Variants in KDM1B observed in about 807,000 individuals in gnomAD.
KDM1B encodes lysine demethylase 1B.
KDM1B carries 63 observed loss-of-function variants against 107.4 expected under a neutral mutation model. The observed-to-expected ratio is 0.59, with a 90% CI of 0.48 to 0.72. The LOEUF (loss-of-function observed/expected upper bound fraction) is 0.72, where lower values mean the gene tolerates loss of function less well. Among genes scored for constraint, KDM1B ranks in the 30% least tolerant of loss-of-function variants. The pLI, the probability that KDM1B is intolerant of heterozygous loss-of-function variation, is 0.00. For synonymous variants in KDM1B, 363 were observed against 363.9 expected, an observed-to-expected ratio of 1.00 and a Z score of 0.03; for missense variants, 749 against 1,020.8, an observed-to-expected ratio of 0.73 and a Z score of 3.63.
rs1159699350 is a variant in KDM1B, at chr6:18,191,139, T to A, written c.785-58T>A. On this transcript the variant is annotated intron_variant, in intron 9 of 21. Coordinates refer to ENST00000650836, the MANE Select transcript of KDM1B (RefSeq NM_001364614.2). The surrounding 1 kb of genome is among the most constrained non-coding windows in gnomAD (Gnocchi z 5.1). ...TTTTTGGTTTGCTTTTGCCCTTTAA[T>A]TCTTCTGGATTTGGAAGTTACAGCT... 6.7e-7 allele frequency: 1 copy of A among 1,492,424 alleles called. No individual in the cohort carries two copies. The highest frequency in any genetic ancestry group is 9.1e-7 in the Non-Finnish European group (1 of 1,103,864). 92.4% of individuals were successfully genotyped at this position (1,492,424 alleles called of 1,614,324 possible). A position where few individuals can be genotyped will look rare whatever the true frequency, so the allele number is the denominator to read the frequency against.
In KDM1B at chr6:18,212,339, T is replaced by G. The variant is rs2151022420; in HGVS notation, c.1867-149T>G. ...TTGCCACTTCTGCTTAGCCAGGCATTGGCACCCTTGTGCAGTGAGCAACCT... is the reference window on the plus strand; with the variant it reads ...TTGCCACTTCTGCTTAGCCAGGCATGGGCACCCTTGTGCAGTGAGCAACCT... On this transcript the variant is annotated intron_variant, in intron 17 of 21. Transcript: ENST00000650836. The surrounding 1 kb of genome is among the most constrained non-coding windows in gnomAD (Gnocchi z 5.2). 1 of 680,374 alleles carries G rather than the reference T, an allele frequency of 1.5e-6. No homozygotes were observed. The highest frequency in any genetic ancestry group is 2.5e-5 in the East Asian group (1 of 40,214). 42.1% of individuals were successfully genotyped at this position (680,374 alleles called of 1,614,324 possible). A position where few individuals can be genotyped will look rare whatever the true frequency, so the allele number is the denominator to read the frequency against.
intron 6 of KDM1B, among the ~76,000 whole-genome samples, chr6:18,167,805 C>A (rs923391135): frequency 1.3e-5 from 2 of 151,976 alleles, no homozygotes; most frequent in African/African-American, 4.8e-5. Flanking sequence ...CTCTGTCGTT[C>A]AGGCTAGAGT....
chr6:18,184,939 A>G (rs1177671387), intron 7 of KDM1B, among the ~76,000 whole-genome samples: 1 of 151,606 alleles, frequency 6.6e-6, no homozygotes, highest in Non-Finnish European at 1.5e-5. Context: ...GGTGTTACCC[A>G]GGTTGGTGTT....
chr6:18,202,167 A>G (rs965518326), intron 14 of KDM1B, among the ~76,000 whole-genome samples: 1 of 151,718 alleles, frequency 6.6e-6, no homozygotes, highest in Admixed American at 6.6e-5. Flanking sequence ...TGGGAGGTCA[A>G]GCGGGGAAGA....
intron 21 of KDM1B, among the ~76,000 whole-genome samples, chr6:18,219,162 A>T (rs565594722): frequency 8.5e-5 from 13 of 152,258 alleles, no homozygotes; most frequent in African/African-American, 2.9e-4. Context: ...TCAGCCTCCC[A>T]AAGTGCTGGG....
intron 21 of KDM1B, among the ~76,000 whole-genome samples, chr6:18,218,567 A>G (rs1218196071): frequency 2.0e-5 from 3 of 152,348 alleles, no homozygotes; most frequent in South Asian, 2.1e-4. Context: ...TGGTATTTAC[A>G]TGGCTGTGTA....
At chr6:18,217,211 G>T (rs1789304171) in intron 20 of KDM1B, among the ~76,000 whole-genome samples, 5 of 152,134 alleles carry the variant, frequency 3.3e-5, no homozygotes, top group Admixed American at 2.6e-4. Context: ...TTGTGTGTGG[G>T]TGGGGCAGGA....
intron 7 of KDM1B, among the ~76,000 whole-genome samples, chr6:18,179,850 C>T (rs796557989): frequency 0.61 from 5,884 of 9,586 alleles, 2,204 homozygotes; most frequent in African/African-American, 0.65. Flanking sequence ...GTTTTTTTTC[C>T]TTTTTTTTTT....
chr6:18,215,083 T>C lies in KDM1B; in HGVS notation c.2186T>C (p.Val729Ala), dbSNP rs749742450. 56 of 1,613,660 alleles carry C rather than the reference T, an allele frequency of 3.5e-5. No individual in the cohort carries two copies. Among genetic ancestry groups the C allele is most frequent in the Non-Finnish European group, 4.7e-5 (56 of 1,179,964 alleles). ...ASVRTLDDKQ[V>A]LQQCMATLRE... Reference sequence around the variant, plus strand: ...GTGAGGACCCTGGATGACAAACAGGTGCTGCAGCAGTGCATGGCCACGCTC... The same window carrying C: ...GTGAGGACCCTGGATGACAAACAGGCGCTGCAGCAGTGCATGGCCACGCTC... The change falls in exon 20 of 22, where the codon GTG (valine) becomes GCG (alanine). Residue 729 changes from valine to alanine, a missense_variant. Transcript: ENST00000650836.
At position 18,205,247 on chromosome 6, in the gene KDM1B, G is replaced by A. The variant is rs1200669245; in HGVS notation, c.1532-290G>A. On this transcript the variant is annotated intron_variant, in intron 14 of 21. Coordinates refer to ENST00000650836, the MANE Select transcript of KDM1B (RefSeq NM_001364614.2). The surrounding 1 kb of genome is among the most constrained non-coding windows in gnomAD (Gnocchi z 5.7). The stretch of plus-strand genomic sequence containing the variant: ...AGAGGAAACCACTTCTCAACGAAGC[G>A]AAATTGAGACGTTTCTGAAGATATA... Among the ~76,000 whole-genome samples the A allele has an allele frequency of 1.3e-5, 2 of 152,114 alleles. No homozygotes were observed. Among genetic ancestry groups the A allele is most frequent in the Admixed American group, 6.6e-5 (1 of 15,258 alleles).
chr6:18,217,327 T>C, intron 20 of KDM1B, among the ~76,000 whole-genome samples: 1 of 151,462 alleles, frequency 6.6e-6, no homozygotes, highest in East Asian at 1.9e-4. Context: ...ACTCAGGTCC[T>C]AAACAGGGGG....
Position 18,200,378 on chromosome 6 carries a change from A to G in KDM1B, c.1222-61A>G, listed in dbSNP as rs905426133. 3 of 1,494,028 alleles carry G rather than the reference A, an allele frequency of 2.0e-6. No homozygotes were observed. Among genetic ancestry groups the G allele is most frequent in the Non-Finnish European group, 2.7e-6 (3 of 1,096,226 alleles). The allele number at this position is 1,494,028 out of a possible 1,614,324, so 92.5% of individuals were successfully genotyped here. ...AACAGTGTCCTTCTACATTTTTATA[A>G]TACTGTGTCTGATATAACTCTTGTG... On this transcript the variant is annotated intron_variant, in intron 12 of 21. Coordinates refer to ENST00000650836, the MANE Select transcript of KDM1B (RefSeq NM_001364614.2). The surrounding 1 kb of genome is among the most constrained non-coding windows in gnomAD (Gnocchi z 4.3).
Position 18,204,438 on chromosome 6 carries a change from C to T in KDM1B, c.1532-1099C>T, listed in dbSNP as rs1339565212. ...GCAGTGAGTCGGAATGGCACCACAGCACTCCAGCCTGGGTGACATGGTGAG... is the reference window on the plus strand; with the variant it reads ...GCAGTGAGTCGGAATGGCACCACAGTACTCCAGCCTGGGTGACATGGTGAG... On this transcript the variant is annotated intron_variant, in intron 14 of 21. Transcript: ENST00000650836. This position sits in a 1 kb window ranked among gnomAD's most constrained non-coding sequence, Gnocchi z 4.9. 1.3e-5 allele frequency among the ~76,000 whole-genome samples: 2 copies of T among 152,080 alleles called. No homozygotes were observed. The highest frequency in any genetic ancestry group is 1.9e-4 in the East Asian group (1 of 5,196).
In KDM1B at chr6:18,200,694, T is replaced by G; in HGVS notation, c.1359+118T>G. 1 of 767,640 alleles carries G rather than the reference T, an allele frequency of 1.3e-6. No individual in the cohort carries two copies. The highest frequency in any genetic ancestry group is 2.0e-6 in the Non-Finnish European group (1 of 509,942). The allele number at this position is 767,640 out of a possible 1,614,324, so 47.6% of individuals were successfully genotyped here. A position where few individuals can be genotyped will look rare whatever the true frequency, so the allele number is the denominator to read the frequency against. Reference sequence around the variant, plus strand: ...TACATATAACAGCCCCCTCATCTCCTATGCAAAGCAGTAAGAATTACACTT... The same window carrying G: ...TACATATAACAGCCCCCTCATCTCCGATGCAAAGCAGTAAGAATTACACTT... On this transcript the variant is annotated intron_variant, in intron 13 of 21. Coordinates refer to ENST00000650836, the MANE Select transcript of KDM1B (RefSeq NM_001364614.2). The surrounding 1 kb of genome is among the most constrained non-coding windows in gnomAD (Gnocchi z 4.3).
rs531805149 is a variant in KDM1B, at chr6:18,205,716, G to C, written c.1659+52G>C. 2.4e-5 allele frequency: 34 copies of C among 1,437,436 alleles called. No individual in the cohort carries two copies. The South Asian group carries it at 4.7e-4, about 20-fold the overall frequency. 89.0% of individuals were successfully genotyped at this position (1,437,436 alleles called of 1,614,324 possible). On this transcript the variant is annotated intron_variant, in intron 15 of 21. Coordinates refer to ENST00000650836, the MANE Select transcript of KDM1B (RefSeq NM_001364614.2). The surrounding 1 kb of genome is among the most constrained non-coding windows in gnomAD (Gnocchi z 5.7). ...GCTTTGAAAATACTTGGTTTAGGCC[G>C]GGCGCAGTGGCTCACGCCTGTAATC...
rs1788982399 is a variant in KDM1B at position 18,213,231 on chromosome 6, G to A, written c.1984-425G>A. Among the ~76,000 whole-genome samples the A allele has an allele frequency of 6.6e-6, 1 of 152,126 alleles. No homozygotes were observed. The highest frequency in any genetic ancestry group is 6.6e-5 in the Admixed American group (1 of 15,262). ...GAGGATGGATTACCTGAGGTCAGGA[G>A]TTCAAGACCAGCCTGACCAACATGG... On this transcript the variant is annotated intron_variant, in intron 18 of 21. Coordinates refer to ENST00000650836, the MANE Select transcript of KDM1B (RefSeq NM_001364614.2). The surrounding 1 kb of genome is among the most constrained non-coding windows in gnomAD (Gnocchi z 5.9).
chr6:18,187,753 C>A, intron 8 of KDM1B, 39 bp from the exon 9 acceptor site: 1 of 1,347,944 alleles, frequency 7.4e-7, no homozygotes, highest in Non-Finnish European at 1.0e-6. Context: ...CATTTCTTGT[C>A]TGTCCTTGTC....
rs1465976650 is a variant in KDM1B at position 18,201,790 on chromosome 6, C to A, written c.1531+133C>A. On this transcript the variant is annotated intron_variant, in intron 14 of 21. Transcript: ENST00000650836. The surrounding 1 kb of genome is among the most constrained non-coding windows in gnomAD (Gnocchi z 4.3). ...AGCCCTCCTGAGCATTTCTTTTGGA[C>A]TGATGGATTCTCCAAGTTCTCAGGG... 5 of 723,216 alleles carry A rather than the reference C, an allele frequency of 6.9e-6. No individual in the cohort carries two copies. Among genetic ancestry groups the A allele is most frequent in the Non-Finnish European group, 1.1e-5 (5 of 453,228 alleles). 44.8% of individuals were successfully genotyped at this position (723,216 alleles called of 1,614,324 possible). A position where few individuals can be genotyped will look rare whatever the true frequency, so the allele number is the denominator to read the frequency against.
chr6:18,201,715 C>T lies in KDM1B; in HGVS notation c.1531+58C>T. On this transcript the variant is annotated intron_variant, in intron 14 of 21. Coordinates refer to ENST00000650836, the MANE Select transcript of KDM1B (RefSeq NM_001364614.2). This position sits in a 1 kb window ranked among gnomAD's most constrained non-coding sequence, Gnocchi z 4.3. ...CTCAGTTTCGTTGTTACCTAAGCTT[C>T]ATCAGCAGTGGCATTGTTCATTTGC... 4 of 1,407,414 alleles carry T rather than the reference C, an allele frequency of 2.8e-6. No homozygotes were observed. The highest frequency in any genetic ancestry group is 1.4e-5 in the South Asian group (1 of 73,344). The allele number at this position is 1,407,414 out of a possible 1,614,324, so 87.2% of individuals were successfully genotyped here.
Sources: allele counts gnomAD v4.1 joint callset (sites outside exome capture counted in the v4.1 genomes callset), GRCh38; gene constraint gnomAD v4.1.1; non-coding constraint Gnocchi (gnomAD v3.1); transcripts MANE v1.5; gene names NCBI Gene and HGNC (gene_info 2026-07-23, HGNC 2026-07-21).